KCNQ5: variants seen among roughly 807,000 people sequenced by gnomAD.
KCNQ5 encodes potassium voltage-gated channel subfamily KQT member 5.
KCNQ5 carries 30 observed loss-of-function variants against 98.2 expected under a neutral mutation model. The ratio of observed to expected loss-of-function variants is 0.31; its 90% CI spans 0.23 to 0.41. The LOEUF is 0.41. Ranked by LOEUF, KCNQ5 falls within the 10% of genes least tolerant of loss-of-function variation. The probability of loss-of-function intolerance (pLI) is 1.00; values close to 1 mark genes in which losing one functional copy is unlikely to be tolerated. For synonymous variants in KCNQ5, 458 were observed against 449.4 expected, an observed-to-expected ratio of 1.02 and a Z score of -0.24; for missense variants, 835 against 1,182.5, an observed-to-expected ratio of 0.71 and a Z score of 4.31.
intron 5 of KCNQ5, among the ~76,000 whole-genome samples, chr6:73,096,076 C>T (rs1441086688): frequency 2.6e-5 from 4 of 152,054 alleles, no homozygotes; most frequent in Admixed American, 1.3e-4. Flanking sequence ...GTAGGGAAGC[C>T]GACAGTGCAG....
At chr6:72,997,362 A>G (rs191734545) in intron 1 of KCNQ5, among the ~76,000 whole-genome samples, 5 of 152,210 alleles carry the variant, frequency 3.3e-5, no homozygotes, top group African/African-American at 1.2e-4. Context: ...AGTCCTTTAA[A>G]GAAATACTCT....
At position 72,714,972 on chromosome 6, in the gene KCNQ5, T is replaced by C. The variant is rs1207011450; in HGVS notation, c.398+92385T>C. ...TAAATATATAGCTTCTGTGAGCCAA[T>C]TGTTTTTTGTAAACTGGATGAGATT... On this transcript the variant is annotated intron_variant, in intron 1 of 13. Coordinates refer to ENST00000370398, the MANE Select transcript of KCNQ5 (RefSeq NM_019842.4). 2.0e-5 allele frequency among the ~76,000 whole-genome samples: 3 copies of C among 152,198 alleles called. No individual in the cohort carries two copies. In the East Asian group the frequency reaches 5.8e-4, roughly 29 times the overall value.
chr6:73,122,502 T>TTTCCCTC (rs1775786549), intron 8 of KCNQ5, among the ~76,000 whole-genome samples: 1 of 152,212 alleles, frequency 6.6e-6, no homozygotes, highest in African/African-American at 2.4e-5. Context: ...CCTCATGTCC[T>TTTCCCTC]ACTGTGCCTT....
At chr6:72,821,023 A>G (rs955910805) in intron 1 of KCNQ5, among the ~76,000 whole-genome samples, 2 of 152,224 alleles carry the variant, frequency 1.3e-5, no homozygotes, top group African/African-American at 4.8e-5. Context: ...GCAAGGGCAG[A>G]GAAATAAAAG....
At chr6:73,178,564 G>A (rs919093824) in intron 11 of KCNQ5, among the ~76,000 whole-genome samples, 1 of 151,560 alleles carries the variant, frequency 6.6e-6, no homozygotes, top group African/African-American at 2.4e-5. Flanking sequence ...AATGTCCTAA[G>A]TGAGCCAAAT....
intron 9 of KCNQ5, among the ~76,000 whole-genome samples, chr6:73,131,168 T>A (rs1157054950): frequency 6.6e-6 from 1 of 152,180 alleles, no homozygotes; most frequent in African/African-American, 2.4e-5. Context: ...GTATGATTTT[T>A]AAAATACTTT....
chr6:72,841,009 G>C (rs1776762973), intron 1 of KCNQ5, among the ~76,000 whole-genome samples: 1 of 152,124 alleles, frequency 6.6e-6, no homozygotes, highest in South Asian at 2.1e-4. Flanking sequence ...AATTAATTCT[G>C]CTCTCAAGTA....
At chr6:73,183,599 A>G (rs1156228847) in intron 11 of KCNQ5, among the ~76,000 whole-genome samples, 1 of 152,202 alleles carries the variant, frequency 6.6e-6, no homozygotes, top group East Asian at 1.9e-4. Context: ...CAGAGAAATA[A>G]GAAAATGCTG....
chr6:72,896,353 T>G (rs971978187), intron 1 of KCNQ5, among the ~76,000 whole-genome samples: 1 of 152,120 alleles, frequency 6.6e-6, no homozygotes, highest in African/African-American at 2.4e-5. Flanking sequence ...ATTTACCTAG[T>G]AAATTGTATT....
intron 3 of KCNQ5, chr6:73,043,382 A>G (rs1394642382): frequency 6.2e-6 from 1 of 160,622 alleles, no homozygotes; most frequent in East Asian, 1.7e-4. Flanking sequence ...GTCTTCTCCA[A>G]TAATAGGCTT....
intron 1 of KCNQ5, among the ~76,000 whole-genome samples, chr6:72,713,852 T>C (rs74976508): frequency 6.6e-6 from 1 of 152,166 alleles, no homozygotes; most frequent in Non-Finnish European, 1.5e-5. Flanking sequence ...GCAGACTCTC[T>C]TGCCTTTCTA....
intron 1 of KCNQ5, among the ~76,000 whole-genome samples, chr6:72,687,217 C>T (rs1346378748): frequency 6.6e-6 from 1 of 152,214 alleles, no homozygotes; most frequent in Non-Finnish European, 1.5e-5. Context: ...TGATTGCTCT[C>T]TGCTCTGTTT....
chr6:72,798,723 CAGTT>C (rs1296777182), intron 1 of KCNQ5, among the ~76,000 whole-genome samples: 4 of 152,136 alleles, frequency 2.6e-5, no homozygotes, highest in African/African-American at 7.2e-5. Flanking sequence ...TGAATATTCT[CAGTT>C]AGGTGCACAG....
intron 1 of KCNQ5, among the ~76,000 whole-genome samples, chr6:72,889,006 A>G (rs1036363664): frequency 2.0e-5 from 3 of 152,136 alleles, no homozygotes; most frequent in African/African-American, 7.2e-5. Context: ...AACATTCCAC[A>G]TAAGTAAGTT....
chr6:72,807,231 T>C (rs1425166345), intron 1 of KCNQ5, among the ~76,000 whole-genome samples: 2 of 152,170 alleles, frequency 1.3e-5, no homozygotes, highest in Non-Finnish European at 2.9e-5. Context: ...TGTATAATAG[T>C]CATACCATAG....
At position 73,002,083 on chromosome 6, in the gene KCNQ5, A is replaced by C. The variant is rs189296396; in HGVS notation, c.399-1825A>C. Among the ~76,000 whole-genome samples the C allele has an allele frequency of 1.2e-4, 18 of 152,282 alleles. No homozygotes were observed. In the East Asian group the frequency reaches 3.1e-3, roughly 26 times the overall value. Reference sequence around the variant, plus strand: ...AGGTTAAAGTTACAATGAGCTATGAATGCACCACTGCACTCTAGCCTGGTC... The same window carrying C: ...AGGTTAAAGTTACAATGAGCTATGACTGCACCACTGCACTCTAGCCTGGTC... On this transcript the variant is annotated intron_variant, in intron 1 of 13. Transcript: ENST00000370398.
At chr6:72,685,955 G>T (rs1181793098) in intron 1 of KCNQ5, among the ~76,000 whole-genome samples, 1 of 152,156 alleles carries the variant, frequency 6.6e-6, no homozygotes, top group Non-Finnish European at 1.5e-5. Flanking sequence ...CCTCTTCTTA[G>T]CTTGCAGATA....
chr6:72,664,709 A>G (rs914665694), intron 1 of KCNQ5, among the ~76,000 whole-genome samples: 4 of 152,100 alleles, frequency 2.6e-5, no homozygotes, highest in African/African-American at 9.7e-5. Context: ...CACAAAAGCT[A>G]TATAAGAGAA....
At chr6:72,855,280 C>G (rs1024511313) in intron 1 of KCNQ5, among the ~76,000 whole-genome samples, 1 of 139,374 alleles carries the variant, frequency 7.2e-6, no homozygotes, top group Non-Finnish European at 1.6e-5. Flanking sequence ...CATGAAAGCC[C>G]TGGCTAAAAT....
Sources: gnomAD v4.1 joint callset for allele counts (sites outside exome capture counted in the v4.1 genomes callset) on GRCh38, gnomAD v4.1.1 for gene constraint, MANE v1.5 for transcripts, NCBI Gene and HGNC (gene_info 2026-07-23, HGNC 2026-07-21) for gene names.